Variants in NEMP1 observed in about 807,000 individuals in gnomAD.
NEMP1 encodes transmembrane protein 194.
In NEMP1, 29 loss-of-function variants were observed where a neutral mutation model predicts 53.7. The observed-to-expected ratio is 0.54, with a 90% confidence interval of 0.40 to 0.74. The LOEUF (loss-of-function observed/expected upper bound fraction) is 0.74, where lower values mean the gene tolerates loss of function less well. Among genes scored for constraint, NEMP1 ranks in the 30% least tolerant of loss-of-function variants. The pLI is 0.00. For synonymous variants in NEMP1, 193 were observed against 192.9 expected (o/e 1.00, Z 0.00); for missense variants, 477 against 528.6 (o/e 0.90, Z 0.96).
upstream of NEMP1, among the ~76,000 whole-genome samples, chr12:57,082,932 A>G (rs1044507486): frequency 2.0e-5 from 3 of 152,008 alleles, no homozygotes; most frequent in Non-Finnish European, 4.4e-5. Flanking sequence ...GACGTGGGAG[A>G]ATCACCTGAG....
In NEMP1 at chr12:57,061,411, T is replaced by C. The variant is rs139401612; in HGVS notation, c.981-466A>G. On this transcript the variant is annotated intron_variant, in intron 7 of 8. Coordinates refer to ENST00000300128, the MANE Select transcript of NEMP1 (RefSeq NM_001130963.2). Reference sequence around the variant, plus strand: ...AAATCATGGTATAAGACTGTGGTTCTAGCCAGGCACAGTGGCTCACGCCTA... The same window carrying C: ...AAATCATGGTATAAGACTGTGGTTCCAGCCAGGCACAGTGGCTCACGCCTA... Among the ~76,000 whole-genome samples the C allele has an allele frequency of 2.2e-3, 341 of 152,272 alleles. 1 individual carries two copies. Among genetic ancestry groups the C allele is most frequent in the Middle Eastern group, 0.017 (5 of 294 alleles).
At chr12:57,083,060 T>C (rs1257367331), upstream of NEMP1, among the ~76,000 whole-genome samples, 1 of 152,046 alleles carries the variant, frequency 6.6e-6, no homozygotes. Context: ...TATATATGTA[T>C]AGATATGTAT....
intron 1 of NEMP1, among the ~76,000 whole-genome samples, chr12:57,076,638 T>C (rs2032634914): frequency 6.6e-6 from 1 of 151,824 alleles, no homozygotes; most frequent in Non-Finnish European, 1.5e-5. Flanking sequence ...AAACCCCGTC[T>C]GTACAAAAAA....
At chr12:57,065,461 T>C (rs2032024541) in intron 4 of NEMP1, among the ~76,000 whole-genome samples, 1 of 152,050 alleles carries the variant, frequency 6.6e-6, no homozygotes, top group South Asian at 2.1e-4. Flanking sequence ...CTTTCAACAA[T>C]GATGTTAGCT....
chr12:57,072,411 G>A (rs951975096), intron 2 of NEMP1, among the ~76,000 whole-genome samples: 9 of 152,128 alleles, frequency 5.9e-5, no homozygotes, highest in African/African-American at 1.9e-4. Flanking sequence ...CTGCACTCCA[G>A]CCTGGGCGAC....
Position 57,070,857 on chromosome 12 carries a change from G to C in NEMP1, c.289C>G (p.Gln97Glu). Residue 97 changes from glutamine to glutamate, a missense_variant, in exon 3 of 9, where the codon CAG (glutamine) becomes GAG (glutamate). By Grantham distance (29) the Gln-to-Glu change is conservative (BLOSUM62 2). Transcript: ENST00000300128. ...VNSSRLVRVTQVENEEKLKEL... is the reference protein window; with the variant it reads ...VNSSRLVRVTEVENEEKLKEL... ...TTCAGTTTCTCCTCATTCTCCACCT[G>C]GGTGACTCGAACCAATCTGGAACTA... 6.2e-7 allele frequency: 1 copy of C among 1,614,056 alleles called. No homozygotes were observed. The highest frequency in any genetic ancestry group is 2.2e-5 in the East Asian group (1 of 44,868).
chr12:57,072,858 C>T lies in NEMP1; in HGVS notation c.182G>A (p.Arg61His), dbSNP rs767023948. ...MLQESQVCEKRASQQFCYTNV... is the reference protein window; with the variant it reads ...MLQESQVCEKHASQQFCYTNV... ...TGTGTAACAGAATTGTTGGCTGGCACGCTTTTCACAAACTTGGGATTCCTG... is the reference window on the plus strand; with the variant it reads ...TGTGTAACAGAATTGTTGGCTGGCATGCTTTTCACAAACTTGGGATTCCTG... The change falls in exon 2 of 9, where the codon CGT becomes CAT. Residue 61 changes from arginine to histidine, a missense_variant. Arg to His is a conservative substitution (Grantham distance 29, BLOSUM62 0). Coordinates refer to ENST00000300128, the MANE Select transcript of NEMP1 (RefSeq NM_001130963.2). 1.5e-5 allele frequency: 25 copies of T among 1,613,416 alleles called. No individual in the cohort carries two copies. Among genetic ancestry groups the T allele is most frequent in the Admixed American group, 1.2e-4 (7 of 59,912 alleles).
chr12:57,087,079 T>C (rs2136534759), intron 1 of NEMP1, among the ~76,000 whole-genome samples: 1 of 152,226 alleles, frequency 6.6e-6, no homozygotes, highest in African/African-American at 2.4e-5. Context: ...CTGCGGAATT[T>C]CTCTTCCCTC....
chr12:57,072,580 C>T (rs1177644987), intron 2 of NEMP1, among the ~76,000 whole-genome samples: 3 of 152,058 alleles, frequency 2.0e-5, no homozygotes, highest in African/African-American at 4.8e-5. Flanking sequence ...CTTAGAATAC[C>T]GTAATCTACT....
At chr12:57,087,126 C>T (rs942935888) in intron 1 of NEMP1, among the ~76,000 whole-genome samples, 3 of 152,228 alleles carry the variant, frequency 2.0e-5, no homozygotes, top group African/African-American at 7.2e-5. Flanking sequence ...TCCCAGGACC[C>T]GGGAGCGGAG....
At chr12:57,073,270 C>T (rs2032439651) in intron 1 of NEMP1, among the ~76,000 whole-genome samples, 1 of 151,786 alleles carries the variant, frequency 6.6e-6, no homozygotes, top group Non-Finnish European at 1.5e-5. Flanking sequence ...CATTCTCCTG[C>T]CTCAGCCTGT....
intron 1 of NEMP1, among the ~76,000 whole-genome samples, chr12:57,076,099 T>A (rs1042086729): frequency 2.6e-5 from 4 of 151,530 alleles, no homozygotes; most frequent in African/African-American, 9.7e-5. Context: ...AAAAAATAAA[T>A]AAATAAATAA....
chr12:57,083,470 C>G (rs1258074205), upstream of NEMP1, among the ~76,000 whole-genome samples: 1 of 152,142 alleles, frequency 6.6e-6, no homozygotes, highest in East Asian at 1.9e-4. Context: ...GAACTCAGGC[C>G]AACACTGATG....
At chr12:57,088,598 G>C (rs535961284), upstream of NEMP1, among the ~76,000 whole-genome samples, 1 of 152,292 alleles carries the variant, frequency 6.6e-6, no homozygotes, top group East Asian at 1.9e-4. Context: ...GTGCACGTCC[G>C]TGCGCTTCTG....
intron 4 of NEMP1, among the ~76,000 whole-genome samples, chr12:57,065,667 T>A (rs181811911): frequency 1.8e-4 from 27 of 151,396 alleles, no homozygotes; most frequent in African/African-American, 6.3e-4. Context: ...TACCATGACT[T>A]TTTTGTATTT....
At chr12:57,071,033 T>C (rs2032321912) in intron 2 of NEMP1, 140 bp from the exon 3 acceptor site, 2 of 671,674 alleles carry the variant, frequency 3.0e-6, no homozygotes, top group Non-Finnish European at 5.0e-6. Context: ...ATCAGAAATA[T>C]AGAAATACAG....
chr12:57,064,407 AT>A (rs2136489107), intron 5 of NEMP1, among the ~76,000 whole-genome samples: 1 of 152,332 alleles, frequency 6.6e-6, no homozygotes, highest in Non-Finnish European at 1.5e-5. Context: ...TGGCTATATA[AT>A]TAAAAAACAG....
At chr12:57,062,820 G>A (rs942655048) in intron 7 of NEMP1, among the ~76,000 whole-genome samples, 4 of 152,048 alleles carry the variant, frequency 2.6e-5, no homozygotes, top group African/African-American at 9.7e-5. Context: ...CTCCAGCCTG[G>A]GCGACAGAGC....
rs375521562 is a variant in NEMP1, at chr12:57,059,858, G to A, written c.*21C>T. On this transcript the variant is annotated 3_prime_UTR_variant, in exon 9 of 9. Transcript: ENST00000300128. ...GGACCAAGGCACCAAGCCAGTCCACGTAAAGATAACTGACCACTACCTAGG... is the reference window on the plus strand; with the variant it reads ...GGACCAAGGCACCAAGCCAGTCCACATAAAGATAACTGACCACTACCTAGG... 84 of 1,608,164 alleles carry A rather than the reference G, an allele frequency of 5.2e-5. No homozygotes were observed. The highest frequency in any genetic ancestry group is 1.7e-4 in the African/African-American group (13 of 74,670).
Sources: allele counts gnomAD v4.1 joint callset (sites outside exome capture counted in the v4.1 genomes callset), GRCh38; gene constraint gnomAD v4.1.1; transcripts MANE v1.5; gene names NCBI Gene and HGNC (gene_info 2026-07-23, HGNC 2026-07-21).